IQCH: variants seen among roughly 807,000 people sequenced by gnomAD.
The protein encoded by IQCH is IQ domain-containing protein H.
A neutral mutation model predicts 117.0 loss-of-function variants in IQCH; 98 were observed. The observed-to-expected ratio is 0.84, with a 90% CI of 0.71 to 0.99. The LOEUF is 0.99. Ranked by LOEUF, IQCH falls within the 50% of genes least tolerant of loss-of-function variation. IQCH has a pLI of 0.00. For missense variants in IQCH, 1,102 were observed against 1,243.8 expected (o/e 0.89, Z 1.72); for synonymous variants, 412 against 448.2 (o/e 0.92, Z 1.02).
intron 20 of IQCH, among the ~76,000 whole-genome samples, chr15:67,499,325 T>C (rs1017831586): frequency 1.7e-5 from 1 of 59,608 alleles, no homozygotes; most frequent in Non-Finnish European, 3.8e-5. Context: ...AAAAAAAAGA[T>C]GTACAAATGG....
Position 67,473,761 on chromosome 15 carries a change from A to G in IQCH, c.2677-1935A>G, listed in dbSNP as rs1218875783. ...GATGACCAAGGGAACAACTCATGAT[A>G]GGTCAGGGTGACAGAGTACAGTAGT... On this transcript the variant is annotated intron_variant, in intron 17 of 20. Transcript: ENST00000335894. This position sits in a 1 kb window ranked among gnomAD's most constrained non-coding sequence, Gnocchi z 4.9. Among the ~76,000 whole-genome samples the G allele has an allele frequency of 1.3e-5, 2 of 152,226 alleles. No individual in the cohort carries two copies. The highest frequency in any genetic ancestry group is 4.8e-5 in the African/African-American group (2 of 41,456).
intron 16 of IQCH, among the ~76,000 whole-genome samples, chr15:67,439,429 G>C (rs558917677): frequency 1.1e-4 from 16 of 152,242 alleles, no homozygotes; most frequent in African/African-American, 3.6e-4. Flanking sequence ...AAAATTTATA[G>C]CCGTAAATGC....
intron 20 of IQCH, among the ~76,000 whole-genome samples, chr15:67,497,449 A>C (rs2083851863): frequency 6.6e-6 from 1 of 152,198 alleles, no homozygotes; most frequent in South Asian, 2.1e-4. Context: ...GTTTTCAAAA[A>C]ATTCAAGTTA....
chr15:67,263,433 C>T (rs1466474923), intron 3 of IQCH, among the ~76,000 whole-genome samples: 1 of 151,974 alleles, frequency 6.6e-6, no homozygotes, highest in Non-Finnish European at 1.5e-5. Flanking sequence ...AAGACTACAC[C>T]ATCAACAGTA....
At chr15:67,304,328 CT>C (rs778215428) in intron 4 of IQCH, 10 of 1,421,046 alleles carry the variant, frequency 7.0e-6, no homozygotes, top group Non-Finnish European at 9.5e-6. Context: ...TTCATTGTTT[CT>C]TTGTTTCAGC....
rs1970450385 is a variant in IQCH at position 67,369,514 on chromosome 15, A to G, written c.754-2597A>G. Among the ~76,000 whole-genome samples, 1 of 150,974 alleles carries G rather than the reference A, an allele frequency of 6.6e-6. No individual in the cohort carries two copies. The highest frequency in any genetic ancestry group is 1.5e-5 in the Non-Finnish European group (1 of 67,744). On this transcript the variant is annotated intron_variant, in intron 8 of 20. Transcript: ENST00000335894. This position sits in a 1 kb window ranked among gnomAD's most constrained non-coding sequence, Gnocchi z 5.2. Reference sequence around the variant, plus strand: ...GAGAAAAAGAAAAAAGAGAAAGAAGAGAGGGAAGGGGAAAGAAGGGAAGGA... The same window carrying G: ...GAGAAAAAGAAAAAAGAGAAAGAAGGGAGGGAAGGGGAAAGAAGGGAAGGA...
At chr15:67,368,572 A>G (rs1257657136) in intron 8 of IQCH, among the ~76,000 whole-genome samples, 1 of 152,242 alleles carries the variant, frequency 6.6e-6, no homozygotes, top group African/African-American at 2.4e-5. Flanking sequence ...CACACAGTGC[A>G]ATTGCCTGGG....
At position 67,413,428 on chromosome 15, in the gene IQCH, C is replaced by T. The variant is rs184200259; in HGVS notation, c.2098-3503C>T. 3.9e-5 allele frequency: 6 copies of T among 152,206 alleles called. No homozygotes were observed. The East Asian group carries it at 1.2e-3, about 29-fold the overall frequency. 9.4% of individuals were successfully genotyped at this position (152,206 alleles called of 1,614,324 possible). ...CTTCTGAGTACCAGCAGAAACCAGA[C>T]TGTAAAGGGTTGTTTTGTTGGGGGG... is the stretch of plus-strand genomic sequence containing the variant. On this transcript the variant is annotated intron_variant, in intron 14 of 20. Transcript: ENST00000335894. This position sits in a 1 kb window ranked among gnomAD's most constrained non-coding sequence, Gnocchi z 5.0.
At chr15:67,379,968 T>C (rs1273864562) in intron 10 of IQCH, among the ~76,000 whole-genome samples, 1 of 152,198 alleles carries the variant, frequency 6.6e-6, no homozygotes, top group Non-Finnish European at 1.5e-5. Flanking sequence ...TTCTCCTGCC[T>C]CAGCCTCCCA....
intron 17 of IQCH, among the ~76,000 whole-genome samples, chr15:67,469,445 T>G (rs1372463699): frequency 6.6e-6 from 1 of 152,202 alleles, no homozygotes; most frequent in Non-Finnish European, 1.5e-5. Context: ...GAAGGGCCCA[T>G]CCCTCTATAC....
intron 16 of IQCH, among the ~76,000 whole-genome samples, chr15:67,435,110 C>G (rs1367514791): frequency 6.6e-6 from 1 of 151,636 alleles, no homozygotes; most frequent in Non-Finnish European, 1.5e-5. Flanking sequence ...CCGCCTCTGC[C>G]TCCCAAAGTG....
chr15:67,331,036 G>A (rs781404068), intron 4 of IQCH, among the ~76,000 whole-genome samples: 1 of 152,190 alleles, frequency 6.6e-6, no homozygotes, highest in Non-Finnish European at 1.5e-5. Flanking sequence ...CAGATAATGG[G>A]AGAGGAGATT....
intron 3 of IQCH, among the ~76,000 whole-genome samples, chr15:67,269,765 TCAACATA>T (rs1965825590): frequency 1.3e-5 from 2 of 152,202 alleles, no homozygotes; most frequent in African/African-American, 4.8e-5. Flanking sequence ...CTTATTTCAC[TCAACATA>T]ATAACCTCTA....
intron 16 of IQCH, among the ~76,000 whole-genome samples, chr15:67,451,457 A>G (rs2082525024): frequency 6.6e-6 from 1 of 151,916 alleles, no homozygotes; most frequent in Admixed American, 6.6e-5. Context: ...GAACATCTTT[A>G]TTTCTGCCTT....
chr15:67,388,794 TCA>T lies in IQCH; in HGVS notation c.1457-33_1457-32del. 6.5e-7 allele frequency: 1 copy of T among 1,549,308 alleles called. No homozygotes were observed. On this transcript the variant is annotated intron_variant, in intron 11 of 20. Transcript: ENST00000335894. The surrounding 1 kb of genome is among the most constrained non-coding windows in gnomAD (Gnocchi z 5.5). The stretch of plus-strand genomic sequence containing the variant: ...CCAGAGTTCATAATGTCATTTACCT[TCA>T]CACCAGTAATTAACATTGTGCCTGT...
rs1163950853 is a variant in IQCH, at chr15:67,473,650, C to G, written c.2677-2046C>G. Reference sequence around the variant, plus strand: ...CTTTTATTTAATAAACACCAAGTGCCTGTTCTGTGCTGGTATCATGCCCAA... The same window carrying G: ...CTTTTATTTAATAAACACCAAGTGCGTGTTCTGTGCTGGTATCATGCCCAA... On this transcript the variant is annotated intron_variant, in intron 17 of 20. Coordinates refer to ENST00000335894, the MANE Select transcript of IQCH (RefSeq NM_001031715.3). This position sits in a 1 kb window ranked among gnomAD's most constrained non-coding sequence, Gnocchi z 4.9. 1.3e-5 allele frequency among the ~76,000 whole-genome samples: 2 copies of G among 152,184 alleles called. No individual in the cohort carries two copies. The highest frequency in any genetic ancestry group is 2.9e-5 in the Non-Finnish European group (2 of 68,032).
chr15:67,484,880 A>G (rs919095692), intron 18 of IQCH, among the ~76,000 whole-genome samples: 1 of 152,158 alleles, frequency 6.6e-6, no homozygotes, highest in African/African-American at 2.4e-5. Flanking sequence ...ACAATTTTCC[A>G]TCTTTAATGA....
At chr15:67,272,777 T>C (rs1462228254) in intron 3 of IQCH, among the ~76,000 whole-genome samples, 1 of 152,218 alleles carries the variant, frequency 6.6e-6, no homozygotes, top group Non-Finnish European at 1.5e-5. Flanking sequence ...GAATATCAAC[T>C]CCATGTCTTT....
intron 7 of IQCH, among the ~76,000 whole-genome samples, chr15:67,358,255 C>G (rs536686199): frequency 1.3e-4 from 14 of 104,260 alleles, no homozygotes; most frequent in African/African-American, 5.2e-4. Context: ...CCCAGGCTGG[C>G]ACAGTCTCGG....
Sources: gnomAD v4.1 joint callset for allele counts (sites outside exome capture counted in the v4.1 genomes callset) on GRCh38, gnomAD v4.1.1 for gene constraint, Gnocchi (gnomAD v3.1) non-coding constraint, MANE v1.5 for transcripts, NCBI Gene and HGNC (gene_info 2026-07-23, HGNC 2026-07-21) for gene names.